The following GEM variants were observed in gnomAD, a reference collection of about 807,000 sequenced individuals.
GEM encodes GTP-binding protein GEM.
In GEM, 31 loss-of-function variants were observed where a neutral mutation model predicts 33.0. The ratio of observed to expected loss-of-function variants is 0.94; its 90% confidence interval spans 0.71 to 1.27. The LOEUF is 1.27. Ranked by LOEUF, GEM falls within the 50% of genes most tolerant of loss-of-function variation. The pLI, the probability that GEM is intolerant of heterozygous loss-of-function variation, is 0.00. For synonymous variants in GEM, 141 were observed against 143.7 expected (o/e 0.98, Z 0.13); for missense variants, 354 against 390.5 (o/e 0.91, Z 0.79).
intron 1 of GEM, chr8:94,260,797 C>T (rs1168740277): frequency 9.8e-6 from 3 of 306,756 alleles, no homozygotes; most frequent in Middle Eastern, 9.2e-4. Flanking sequence ...GGGCTTCCCC[C>T]TTCCTCAAAG....
chr8:94,262,056 C>G (rs1809034748), intron 1 of GEM, 34 bp downstream of exon 1: 1 of 152,294 alleles, frequency 6.6e-6, no homozygotes, highest in African/African-American at 2.4e-5. Context: ...TGATGAGAAG[C>G]GACATCCTTT....
At chr8:94,259,814 TGTGTCTATACTGA>T (rs1304163297) in intron 2 of GEM, 1 of 191,674 alleles carries the variant, frequency 5.2e-6, no homozygotes, top group Non-Finnish European at 1.1e-5. Context: ...GGAAAAAGGC[TGTGTCTATACTGA>T]GTTCCGGGAA....
chr8:94,254,586 G>A (rs1313213918), intron 2 of GEM, among the ~76,000 whole-genome samples: 1 of 152,168 alleles, frequency 6.6e-6, no homozygotes, highest in Non-Finnish European at 1.5e-5. Context: ...AAGGAAGCTG[G>A]TTCTTGCCAT....
In GEM at chr8:94,250,159, T is replaced by C; in HGVS notation, c.*151A>G. ...TTTTACAAAAATCTTTCATTTCCCA[T>C]GCATCATGTTGCCCACAAGGCTAAT... On this transcript the variant is annotated 3_prime_UTR_variant, in exon 5 of 5. Transcript: ENST00000297596. 4 of 638,276 alleles carry C rather than the reference T, an allele frequency of 6.3e-6. No homozygotes were observed. In the South Asian group the frequency reaches 7.0e-5, roughly 11 times the overall value. 39.5% of individuals were successfully genotyped at this position (638,276 alleles called of 1,614,324 possible).
At chr8:94,260,053 A>G in intron 2 of GEM, 120 bp downstream of exon 2, 1 of 645,710 alleles carries the variant, frequency 1.5e-6, no homozygotes, top group Non-Finnish European at 2.7e-6. Flanking sequence ...CTCCCCCATC[A>G]ATTGTCCAAA....
Position 94,255,296 on chromosome 8 carries a change from G to A in GEM, c.332-2184C>T, listed in dbSNP as rs1243723278. 2.0e-5 allele frequency among the ~76,000 whole-genome samples: 3 copies of A among 152,318 alleles called. No homozygotes were observed. The East Asian group carries it at 5.8e-4, about 29-fold the overall frequency. On this transcript the variant is annotated intron_variant, in intron 2 of 4. Coordinates refer to ENST00000297596, the MANE Select transcript of GEM (RefSeq NM_005261.4). ...GAGAAAAAGTGGACTAAGGATCACAGCCATGAAAGTAAAAACATGCTTTCC... is the reference window on the plus strand; with the variant it reads ...GAGAAAAAGTGGACTAAGGATCACAACCATGAAAGTAAAAACATGCTTTCC...
At position 94,260,403 on chromosome 8, in the gene GEM, T is replaced by C. The variant is rs771122242; in HGVS notation, c.101A>G (p.Gln34Arg). Residue 34 changes from glutamine (Q) to arginine (R), a missense_variant, in exon 2 of 5, where the codon CAG becomes CGG. Transcript: ENST00000297596. ...IPADGRHLMV[Q>R]KEPHQYSHRN... Reference sequence around the variant, plus strand: ...GTGGCTGTACTGGTGGGGCTCTTTCTGGACCATCAGATGCCTGCCATCAGC... The same window carrying C: ...GTGGCTGTACTGGTGGGGCTCTTTCCGGACCATCAGATGCCTGCCATCAGC... 1 of 1,614,018 alleles carries C rather than the reference T, an allele frequency of 6.2e-7. No homozygotes were observed. Among genetic ancestry groups the C allele is most frequent in the South Asian group, 1.1e-5 (1 of 91,068 alleles).
At chr8:94,254,655 G>A (rs1808849081) in intron 2 of GEM, among the ~76,000 whole-genome samples, 1 of 152,134 alleles carries the variant, frequency 6.6e-6, no homozygotes, top group Non-Finnish European at 1.5e-5. Context: ...TTGGAACCAG[G>A]GCACTTCTTG....
intron 2 of GEM, among the ~76,000 whole-genome samples, chr8:94,258,630 A>G (rs903364015): frequency 2.6e-5 from 4 of 152,216 alleles, no homozygotes; most frequent in African/African-American, 7.2e-5. Flanking sequence ...TGGGAAAGTC[A>G]CTTGACTTTG....
At chr8:94,260,085 C>A in intron 2 of GEM, 88 bp downstream of exon 2, 1 of 847,784 alleles carries the variant, frequency 1.2e-6, no homozygotes, top group East Asian at 2.5e-5. Flanking sequence ...CAGCTCCCAA[C>A]TCTGTGGGTA....
At chr8:94,253,766 G>T (rs981205357) in intron 2 of GEM, among the ~76,000 whole-genome samples, 3 of 152,120 alleles carry the variant, frequency 2.0e-5, no homozygotes, top group African/African-American at 7.2e-5. Flanking sequence ...TTTCCTCCCT[G>T]CACTTGAGCC....
At chr8:94,251,329 T>C (rs1341468193) in intron 4 of GEM, among the ~76,000 whole-genome samples, 2 of 152,234 alleles carry the variant, frequency 1.3e-5, no homozygotes, top group Non-Finnish European at 1.5e-5. Flanking sequence ...ATGATTACTG[T>C]AGACAGTTGT....
rs114978904 is a variant in GEM at position 94,261,317 on chromosome 8, C to A, written c.-10+773G>T. Among the ~76,000 whole-genome samples, 725 of 152,258 alleles carry A rather than the reference C, an allele frequency of 4.8e-3. 4 individuals carry two copies. The highest frequency in any genetic ancestry group is 0.016 in the African/African-American group (664 of 41,548). On this transcript the variant is annotated intron_variant, in intron 1 of 4. Coordinates refer to ENST00000297596, the MANE Select transcript of GEM (RefSeq NM_005261.4). ...GAGAAAGTGCCTCATTCTTAAAAAA[C>A]CACATCCATTCTCAAGAGTTCTTTA...
chr8:94,259,817 G>T (rs1808975621), intron 2 of GEM: 1 of 208,610 alleles, frequency 4.8e-6, no homozygotes, highest in Admixed American at 5.2e-5. Flanking sequence ...AAAAGGCTGT[G>T]TCTATACTGA....
rs774839596 is a variant in GEM, at chr8:94,260,329, AC to A, written c.174del (p.Trp58CysfsTer24). On this transcript the variant is annotated frameshift_variant, in exon 2 of 5. Transcript: ENST00000297596. LOFTEE classifies it high-confidence loss of function. ...ATGACTGAGTCTGTGGAGTCAGAGGACCAGCTTCGGCGGCAGTGGTCCTCAG... is the reference window on the plus strand; with the variant it reads ...ATGACTGAGTCTGTGGAGTCAGAGGACAGCTTCGGCGGCAGTGGTCCTCAG... Reference protein sequence around the residue: ...ATPEDHCRRSWSSDSTDSVIS... With the variant: ...ATPEDHCRRSXSSDSTDSVIS... 126 of 1,614,100 alleles carry A rather than the reference AC, an allele frequency of 7.8e-5. No homozygotes were observed. Among genetic ancestry groups the A allele is most frequent in the Non-Finnish European group, 1.1e-4 (124 of 1,180,042 alleles).
In GEM at chr8:94,252,067, C is replaced by T; in HGVS notation, c.565G>A (p.Val189Ile). The T allele has an allele frequency of 6.2e-7, 1 of 1,614,140 alleles. No individual in the cohort carries two copies. The highest frequency in any genetic ancestry group is 8.5e-7 in the Non-Finnish European group (1 of 1,180,008). The change falls in exon 4 of 5, where the codon GTT becomes ATT. Residue 189 changes from valine to isoleucine, a missense_variant. By Grantham distance (29) the Val-to-Ile change is conservative. Coordinates refer to ENST00000297596, the MANE Select transcript of GEM (RefSeq NM_005261.4). ...RQTEDIPIIL[V>I]GNKSDLVRCR... is the part of the protein sequence containing the mutation. The stretch of plus-strand genomic sequence containing the variant: ...CGCACTAAGTCACTTTTGTTGCCAA[C>T]CAAAATTATGGGAATGTCCTCTGTC...
intron 4 of GEM, among the ~76,000 whole-genome samples, chr8:94,251,035 C>T (rs1357788822): frequency 6.6e-6 from 1 of 152,150 alleles, no homozygotes; most frequent in Non-Finnish European, 1.5e-5. Context: ...TTCACACAGC[C>T]TGTAAGTGGC....
chr8:94,259,286 T>A (rs1051960752), intron 2 of GEM, among the ~76,000 whole-genome samples: 2 of 152,168 alleles, frequency 1.3e-5, no homozygotes, highest in African/African-American at 2.4e-5. Flanking sequence ...CTAAGACACC[T>A]CCCTACTCTG....
intron 3 of GEM, 121 bp downstream of exon 3, chr8:94,252,915 C>G: frequency 1.6e-6 from 1 of 628,646 alleles, no homozygotes; most frequent in Non-Finnish European, 2.8e-6. Context: ...TGCTTTTAAT[C>G]AAGAAAATGA....
Sources: allele counts gnomAD v4.1 joint callset (sites outside exome capture counted in the v4.1 genomes callset), GRCh38; gene constraint gnomAD v4.1.1; transcripts MANE v1.5; gene names NCBI Gene and HGNC (gene_info 2026-07-23, HGNC 2026-07-21).